Variants in XRCC4 observed in about 807,000 individuals in gnomAD.
The protein encoded by XRCC4 is DNA repair protein XRCC4.
XRCC4 carries 28 observed loss-of-function variants against 39.1 expected under a neutral mutation model. The ratio of observed to expected loss-of-function variants is 0.72; its 90% CI spans 0.53 to 0.98. XRCC4 has a LOEUF of 0.98. Among genes scored for constraint, XRCC4 ranks in the 50% least tolerant of loss-of-function variants. The pLI is 0.00. For synonymous variants in XRCC4, 123 were observed against 126.4 expected, an observed-to-expected ratio of 0.97 and a Z score of 0.18; for missense variants, 350 against 376.4, an observed-to-expected ratio of 0.93 and a Z score of 0.58.
At chr5:83,246,579 A>G (rs1753109628) in intron 6 of XRCC4, among the ~76,000 whole-genome samples, 1 of 152,114 alleles carries the variant, frequency 6.6e-6, no homozygotes, top group African/African-American at 2.4e-5. Flanking sequence ...TGGGGCATCT[A>G]ATACGTACCA....
chr5:83,282,349 A>G (rs746172825), intron 7 of XRCC4, among the ~76,000 whole-genome samples: 1 of 152,170 alleles, frequency 6.6e-6, no homozygotes, highest in Non-Finnish European at 1.5e-5. Context: ...AATGTCCAAC[A>G]TTAGAAAATT....
In XRCC4 at chr5:83,198,723, A is replaced by T. The variant is rs187945176; in HGVS notation, c.482+2787A>T. 2.5e-3 allele frequency among the ~76,000 whole-genome samples: 374 copies of T among 152,300 alleles called. 2 individuals are homozygous for T. The highest frequency in any genetic ancestry group is 8.6e-3 in the African/African-American group (356 of 41,580). Reference sequence around the variant, plus strand: ...TGAGTGAGGAATGAGAAATTACAGCATAAGTAAAAAGTGTGAGCTTTAATG... The same window carrying T: ...TGAGTGAGGAATGAGAAATTACAGCTTAAGTAAAAAGTGTGAGCTTTAATG... On this transcript the variant is annotated intron_variant, in intron 4 of 7. Transcript: ENST00000396027.
At chr5:83,149,855 A>G (rs981380197) in intron 3 of XRCC4, among the ~76,000 whole-genome samples, 3 of 152,148 alleles carry the variant, frequency 2.0e-5, no homozygotes, top group Non-Finnish European at 2.9e-5. Context: ...CCACCCACAG[A>G]GAGTCCAGTT....
chr5:83,333,150 A>G (rs973916918), intron 7 of XRCC4, among the ~76,000 whole-genome samples: 27 of 152,192 alleles, frequency 1.8e-4, no homozygotes, highest in Admixed American at 1.4e-3. Flanking sequence ...ACTCTGGGCT[A>G]TGTGTGAAGA....
At chr5:83,141,126 C>G (rs1168982648) in intron 3 of XRCC4, among the ~76,000 whole-genome samples, 3 of 152,202 alleles carry the variant, frequency 2.0e-5, no homozygotes, top group Non-Finnish European at 2.9e-5. Flanking sequence ...CACTCCATAT[C>G]AGCTCATAAG....
intron 7 of XRCC4, among the ~76,000 whole-genome samples, chr5:83,287,682 C>A (rs1417902979): frequency 6.6e-6 from 1 of 151,716 alleles, no homozygotes; most frequent in Non-Finnish European, 1.5e-5. Flanking sequence ...ATTTTTTTTA[C>A]TGGAACATAT....
chr5:83,169,142 A>G (rs770000658), intron 3 of XRCC4, among the ~76,000 whole-genome samples: 3 of 152,158 alleles, frequency 2.0e-5, no homozygotes, highest in Non-Finnish European at 4.4e-5. Flanking sequence ...TATTTTCCCC[A>G]TTCTTATTTT....
chr5:83,150,716 T>C (rs1231980062), intron 3 of XRCC4, among the ~76,000 whole-genome samples: 2 of 152,188 alleles, frequency 1.3e-5, no homozygotes, highest in Non-Finnish European at 2.9e-5. Flanking sequence ...CTAGCCTTTT[T>C]GAAATTTATT....
At chr5:83,103,127 G>A (rs79290390) in intron 1 of XRCC4, among the ~76,000 whole-genome samples, 1 of 150,934 alleles carries the variant, frequency 6.6e-6, no homozygotes, top group South Asian at 2.1e-4. Context: ...GAAAAAAGCT[G>A]TTTATAAGGT....
chr5:83,204,322 AT>A, intron 5 of XRCC4, among the ~76,000 whole-genome samples: 1 of 152,114 alleles, frequency 6.6e-6, no homozygotes, highest in East Asian at 1.9e-4. Flanking sequence ...GTGACGTAGT[AT>A]AAAAAAATTT....
intron 3 of XRCC4, among the ~76,000 whole-genome samples, chr5:83,145,371 T>C (rs1468229214): frequency 6.6e-6 from 1 of 152,228 alleles, no homozygotes; most frequent in South Asian, 2.1e-4. Context: ...TTGTGAATGA[T>C]GTAGAGAGGA....
chr5:83,101,223 A>G (rs548347963), intron 1 of XRCC4, among the ~76,000 whole-genome samples: 1 of 152,086 alleles, frequency 6.6e-6, no homozygotes, highest in African/African-American at 2.4e-5. Flanking sequence ...TTCTCTTTGC[A>G]TATTTATAAT....
intron 6 of XRCC4, among the ~76,000 whole-genome samples, chr5:83,226,099 G>A (rs183875517): frequency 3.9e-5 from 6 of 152,070 alleles, no homozygotes; most frequent in African/African-American, 1.2e-4. Flanking sequence ...GGAGGTGCTC[G>A]TGTGCCCACT....
chr5:83,097,421 G>A (rs1217223076), intron 1 of XRCC4, among the ~76,000 whole-genome samples: 1 of 151,402 alleles, frequency 6.6e-6, no homozygotes, highest in East Asian at 1.9e-4. Flanking sequence ...TTAAGAAATA[G>A]GCAGATAAAT....
chr5:83,179,063 C>T (rs1249419378), intron 3 of XRCC4, among the ~76,000 whole-genome samples: 2 of 152,300 alleles, frequency 1.3e-5, no homozygotes, highest in East Asian at 1.9e-4. Context: ...TACTACAGCA[C>T]TTGGCATTTC....
intron 3 of XRCC4, among the ~76,000 whole-genome samples, chr5:83,134,682 AC>A (rs1419462011): frequency 6.6e-6 from 1 of 152,118 alleles, no homozygotes; most frequent in Non-Finnish European, 1.5e-5. Context: ...AGCAGCAGCA[AC>A]TCACTCGGGT....
At chr5:83,178,518 T>C (rs1426046864) in intron 3 of XRCC4, among the ~76,000 whole-genome samples, 1 of 152,070 alleles carries the variant, frequency 6.6e-6, no homozygotes, top group Admixed American at 6.6e-5. Context: ...CAGGCAAGTA[T>C]GGTGTCAGAA....
chr5:83,118,985 TTTTA>T (rs1447672624), intron 3 of XRCC4, among the ~76,000 whole-genome samples: 1 of 152,196 alleles, frequency 6.6e-6, no homozygotes, highest in Non-Finnish European at 1.5e-5. Context: ...ATTTTAGAAG[TTTTA>T]TTTATTTTTT....
intron 1 of XRCC4, among the ~76,000 whole-genome samples, chr5:83,089,994 C>T (rs904670944): frequency 6.6e-6 from 1 of 152,132 alleles, no homozygotes; most frequent in African/African-American, 2.4e-5. Flanking sequence ...GTGGACATGC[C>T]ACCTTTTAGC....
Sources: allele counts gnomAD v4.1 joint callset (sites outside exome capture counted in the v4.1 genomes callset), GRCh38; gene constraint gnomAD v4.1.1; transcripts MANE v1.5; gene names NCBI Gene and HGNC (gene_info 2026-07-23, HGNC 2026-07-21).